The following ANK3 variants were observed in gnomAD, a reference collection of about 807,000 sequenced individuals.
The protein encoded by ANK3 is ankyrin-3.
In ANK3, 57 loss-of-function variants were observed where a neutral mutation model predicts 370.9. The observed-to-expected ratio is 0.15, with a 90% CI of 0.12 to 0.19. The LOEUF (loss-of-function observed/expected upper bound fraction) is 0.19. Among genes scored for constraint, ANK3 ranks in the 10% least tolerant of loss-of-function variants. The pLI is 1.00. For synonymous variants in ANK3, 1,929 were observed against 1,946.3 expected (o/e 0.99, Z 0.23); for missense variants, 4,439 against 5,302.1 (o/e 0.84, Z 5.06).
At chr10:60,407,107 T>C (rs890207129) in intron 2 of ANK3, among the ~76,000 whole-genome samples, 2 of 152,210 alleles carry the variant, frequency 1.3e-5, no homozygotes, top group Admixed American at 6.5e-5. Context: ...TTGTATCACA[T>C]GAAAGTCCCA....
intron 42 of ANK3, chr10:60,042,979 A>T: frequency 2.3e-6 from 3 of 1,314,928 alleles, no homozygotes; most frequent in Non-Finnish European, 2.9e-6. Context: ...ACATAATTGT[A>T]CTTGACAATA....
At chr10:60,580,654 T>C (rs899265374) in intron 2 of ANK3, among the ~76,000 whole-genome samples, 1 of 152,222 alleles carries the variant, frequency 6.6e-6, no homozygotes, top group African/African-American at 2.4e-5. Flanking sequence ...TTCTTTATTA[T>C]TTAACTCTTG....
intron 25 of ANK3, 134 bp downstream of exon 25, chr10:60,134,137 G>T: frequency 2.9e-6 from 2 of 687,708 alleles, no homozygotes; most frequent in Non-Finnish European, 4.7e-6. Flanking sequence ...TTTTTTAACT[G>T]GCTAGTACCA....
In ANK3 at chr10:60,027,956, A is replaced by C. The variant is rs992990718; in HGVS notation, c.*1890T>G. The C allele has an allele frequency of 2.0e-5, 3 of 152,206 alleles. No homozygotes were observed. The highest frequency in any genetic ancestry group is 7.2e-5 in the African/African-American group (3 of 41,450). 9.4% of individuals were successfully genotyped at this position (152,206 alleles called of 1,614,324 possible). The stretch of plus-strand genomic sequence containing the variant: ...TGGGAATGAGGTCCATTGTTGCCAA[A>C]TCTTGCTTTTTAAGAGATGTTAGCA... On this transcript the variant is annotated 3_prime_UTR_variant, in exon 44 of 44. Transcript: ENST00000280772.
rs535615806 is a variant in ANK3, at chr10:60,648,434, C to G, written c.58-33210G>C. 1.8e-3 allele frequency among the ~76,000 whole-genome samples: 255 copies of G among 141,518 alleles called. 1 individual carries two copies. Among genetic ancestry groups the G allele is most frequent in the African/African-American group, 6.2e-3 (242 of 38,738 alleles). The allele number at this position is 141,518 out of a possible 152,430, so 92.8% of individuals were successfully genotyped here. ...TCGGCCTCCCAAAGTGCTGGGATTACAGGCGTGAGCCACCGCACCTGGCCT... is the reference window on the plus strand; with the variant it reads ...TCGGCCTCCCAAAGTGCTGGGATTAGAGGCGTGAGCCACCGCACCTGGCCT... On this transcript the variant is annotated intron_variant, in intron 1 of 43. Transcript: ENST00000373827.
chr10:60,072,396 G>C lies in ANK3; in HGVS notation c.8485C>G (p.Gln2829Glu). Residue 2829 changes from glutamine (Q) to glutamate (E), a missense_variant, in exon 37 of 44, where the codon CAG (glutamine) becomes GAG (glutamate). This residue lies in a region of ANK3 where 1,601 missense variants were observed against 1,731.7 expected (regional missense o/e 0.92). Coordinates refer to ENST00000280772, the MANE Select transcript of ANK3 (RefSeq NM_020987.5). ...ATATGACATGCCAAGTCTTTAGCCT[G>C]CTGCTCAGAAAAAGAGTCAGGCATT... ...KAMPDSFSEQ[Q>E]AKDLACHITS... The C allele has an allele frequency of 6.2e-7, 1 of 1,613,938 alleles. No homozygotes were observed. Among genetic ancestry groups the C allele is most frequent in the Non-Finnish European group, 8.5e-7 (1 of 1,179,970 alleles).
intron 2 of ANK3, among the ~76,000 whole-genome samples, chr10:60,436,471 C>A (rs2064160835): frequency 6.6e-6 from 1 of 152,200 alleles, no homozygotes; most frequent in African/African-American, 2.4e-5. Context: ...CTTGTCAACA[C>A]TTGTTGTATG....
At chr10:60,061,656 A>T (rs571878813) in intron 40 of ANK3, among the ~76,000 whole-genome samples, 20 of 152,288 alleles carry the variant, frequency 1.3e-4, no homozygotes, top group African/African-American at 4.8e-4. Context: ...TTATAAACTT[A>T]AAAAGAACCG....
intron 1 of ANK3, among the ~76,000 whole-genome samples, chr10:60,648,395 A>C (rs1201014570): frequency 8.1e-6 from 1 of 123,144 alleles, no homozygotes; most frequent in Non-Finnish European, 1.7e-5. Context: ...TCCTGACCTC[A>C]TGATCTACCC....
At chr10:60,717,017 T>C (rs2079800382) in intron 1 of ANK3, among the ~76,000 whole-genome samples, 1 of 152,204 alleles carries the variant, frequency 6.6e-6, no homozygotes, top group African/African-American at 2.4e-5. Context: ...TTATCAGGTA[T>C]TAGCTCCTCC....
At chr10:60,060,338 G>GTT (rs2080152312) in intron 40 of ANK3, 1 of 166,152 alleles carries the variant, frequency 6.0e-6, no homozygotes, top group South Asian at 1.9e-4. Flanking sequence ...CCAATATAAA[G>GTT]TTAGTTGTCA....
intron 18 of ANK3, among the ~76,000 whole-genome samples, chr10:60,174,100 G>A (rs2095862864): frequency 6.6e-6 from 1 of 152,124 alleles, no homozygotes; most frequent in Non-Finnish European, 1.5e-5. Flanking sequence ...ATATTTTCAA[G>A]GGTCTGTATC....
intron 1 of ANK3, among the ~76,000 whole-genome samples, chr10:60,377,438 C>T (rs1300795674): frequency 6.6e-6 from 1 of 152,196 alleles, no homozygotes; most frequent in Admixed American, 6.5e-5. Flanking sequence ...GCACCTGATT[C>T]AAAATAGCTT....
chr10:60,303,337 T>A (rs1176084745), intron 1 of ANK3, among the ~76,000 whole-genome samples: 2 of 152,096 alleles, frequency 1.3e-5, no homozygotes, highest in Non-Finnish European at 2.9e-5. Context: ...CCAAAAAATA[T>A]AATGAATTCA....
At chr10:60,618,212 T>G (rs761178015) in intron 1 of ANK3, among the ~76,000 whole-genome samples, 12 of 152,158 alleles carry the variant, frequency 7.9e-5, no homozygotes, top group Non-Finnish European at 1.5e-4. Flanking sequence ...GCCACCATGC[T>G]ATAATGTAGT....
rs756139245 is a variant in ANK3, at chr10:60,074,269, T to C, written c.6612A>G (p.Glu2204=). ...PKPSPTFMEL[E]PKPTTSSIKE... is the part of the protein sequence containing the mutation. ...TAATACTAGAGGTGGTGGGCTTTGG[T>C]TCCAATTCCATAAAAGTAGGTGAAG... Residue 2204 remains glutamate, a synonymous_variant, in exon 37 of 44, where the codon GAA becomes GAG. Coordinates refer to ENST00000280772, the MANE Select transcript of ANK3 (RefSeq NM_020987.5). The C allele has an allele frequency of 2.5e-6, 4 of 1,614,146 alleles. No homozygotes were observed. Among genetic ancestry groups the C allele is most frequent in the Non-Finnish European group, 3.4e-6 (4 of 1,180,014 alleles).
rs545378164 is a variant in ANK3 at position 60,344,101 on chromosome 10, C to T, written c.114+45324G>A. On this transcript the variant is annotated intron_variant, in intron 1 of 43. Coordinates refer to ENST00000280772, the MANE Select transcript of ANK3 (RefSeq NM_020987.5). ...ACCAGCTCATAGAAGCAGGCCTTGCCTGCCCGCCATTGCCATTTTCACCTA... is the reference window on the plus strand; with the variant it reads ...ACCAGCTCATAGAAGCAGGCCTTGCTTGCCCGCCATTGCCATTTTCACCTA... 3.8e-4 allele frequency among the ~76,000 whole-genome samples: 58 copies of T among 152,344 alleles called. No homozygotes were observed. In the South Asian group the frequency reaches 7.2e-3, roughly 19 times the overall value.
chr10:60,099,961 A>C (rs1259755950), intron 28 of ANK3, among the ~76,000 whole-genome samples: 1 of 152,120 alleles, frequency 6.6e-6, no homozygotes, highest in Non-Finnish European at 1.5e-5. Flanking sequence ...GGTGGGGGGC[A>C]GGATGGCTTA....
intron 23 of ANK3, chr10:60,146,000 T>G (rs1489793145): frequency 3.1e-5 from 36 of 1,162,648 alleles, no homozygotes; most frequent in South Asian, 1.3e-5. Flanking sequence ...CTTGGGAATT[T>G]TGTACCATGT....
Sources: gnomAD v4.1 joint callset for allele counts (sites outside exome capture counted in the v4.1 genomes callset) on GRCh38, gnomAD v4.1.1 for gene constraint, gnomAD v4.1.1 regional missense constraint, MANE v1.5 for transcripts, NCBI Gene and HGNC (gene_info 2026-07-23, HGNC 2026-07-21) for gene names.